The following FBXO4 variants were observed in gnomAD, a reference collection of about 807,000 sequenced individuals.
FBXO4 encodes F-box only protein 4.
A neutral mutation model predicts 43.7 loss-of-function variants in FBXO4; 36 were observed. The observed-to-expected ratio is 0.82, with a 90% CI of 0.63 to 1.09. The LOEUF is 1.09. FBXO4 is among the 50% of genes least tolerant of loss of function. The pLI, the probability that FBXO4 is intolerant of heterozygous loss-of-function variation, is 0.00. For missense variants in FBXO4, 435 were observed against 474.1 expected, an observed-to-expected ratio of 0.92 and a Z score of 0.77; for synonymous variants, 180 against 165.6, an observed-to-expected ratio of 1.09 and a Z score of -0.67.
the FBXO4 span, among the ~76,000 whole-genome samples, chr5:42,000,617 G>T: frequency 6.6e-6 from 1 of 151,852 alleles, no homozygotes; most frequent in Admixed American, 6.6e-5. Context: ...TTTTCCTTTT[G>T]TTGCTTGTGT....
At chr5:41,970,259 TG>T in the FBXO4 span, among the ~76,000 whole-genome samples, 1 of 152,202 alleles carries the variant, frequency 6.6e-6, no homozygotes, top group Non-Finnish European at 1.5e-5. Flanking sequence ...AAAATGGAAA[TG>T]CTGGGTCATA....
rs1751625585 is a variant in FBXO4 at position 41,929,811 on chromosome 5, T to C, written c.540T>C (p.Ala180=). The C allele has an allele frequency of 6.2e-7, 1 of 1,614,076 alleles. No homozygotes were observed. Among genetic ancestry groups the C allele is most frequent in the Non-Finnish European group, 8.5e-7 (1 of 1,180,030 alleles). ...SLIIQNEPRF[A]MFGPGLEELN... is the part of the protein sequence containing the mutation. ...TCATTCAGAATGAACCACGATTTGC[T>C]ATGTTTGGACCAGGTTTGGAAGAAT... Residue 180 remains alanine, a synonymous_variant, in exon 3 of 7, where the codon GCT becomes GCC. Transcript: ENST00000281623.
chr5:42,030,823 A>G, the FBXO4 span, among the ~76,000 whole-genome samples: 6 of 152,248 alleles, frequency 3.9e-5, no homozygotes, highest in African/African-American at 1.4e-4. Flanking sequence ...TTCTCAAAAG[A>G]AGACATTTAT....
the FBXO4 span, among the ~76,000 whole-genome samples, chr5:41,999,492 T>TAC: frequency 5.1e-4 from 27 of 52,664 alleles, no homozygotes; most frequent in African/African-American, 2.2e-3. Context: ...TATATATATA[T>TAC]ACATATATAT....
chr5:41,982,692 G>A, the FBXO4 span, among the ~76,000 whole-genome samples: 14 of 151,812 alleles, frequency 9.2e-5, no homozygotes, highest in East Asian at 1.9e-4. Context: ...TGATATAGTC[G>A]AATTTATTGA....
chr5:41,961,554 G>T, the FBXO4 span, among the ~76,000 whole-genome samples: 1 of 152,192 alleles, frequency 6.6e-6, no homozygotes, highest in Non-Finnish European at 1.5e-5. Flanking sequence ...TGCTTGTGCA[G>T]CAGCCATAGA....
At chr5:42,034,217 T>C in the FBXO4 span, among the ~76,000 whole-genome samples, 1 of 152,348 alleles carries the variant, frequency 6.6e-6, no homozygotes, top group Middle Eastern at 3.4e-3. Flanking sequence ...GTTTGTTTGT[T>C]TTTACTTGTA....
chr5:41,998,562 C>T, the FBXO4 span, among the ~76,000 whole-genome samples: 1 of 152,166 alleles, frequency 6.6e-6, no homozygotes. Context: ...CCTTTTGTAA[C>T]TCCATGAGCT....
the FBXO4 span, among the ~76,000 whole-genome samples, chr5:41,959,372 T>C: frequency 2.0e-5 from 3 of 152,260 alleles, no homozygotes; most frequent in East Asian, 5.8e-4. Flanking sequence ...TTTTTTTCTT[T>C]GTTTTGCGAA....
intron 1 of FBXO4, among the ~76,000 whole-genome samples, chr5:41,926,212 A>G (rs1751493721): frequency 6.6e-6 from 1 of 152,212 alleles, no homozygotes. Flanking sequence ...CAGGTTTAGA[A>G]TGCCTCCAAG....
At chr5:41,973,933 T>C in the FBXO4 span, among the ~76,000 whole-genome samples, 1 of 152,216 alleles carries the variant, frequency 6.6e-6, no homozygotes, top group African/African-American at 2.4e-5. Flanking sequence ...GGCAATGAAT[T>C]CTCCTAGTTT....
the FBXO4 span, among the ~76,000 whole-genome samples, chr5:41,984,010 T>A: frequency 6.6e-6 from 1 of 152,074 alleles, no homozygotes; most frequent in South Asian, 2.1e-4. Flanking sequence ...ATTTCATATG[T>A]TCTTCTCATA....
Position 41,927,255 on chromosome 5 carries a change from A to G in FBXO4, c.425+7A>G. 6.5e-7 allele frequency: 1 copy of G among 1,549,078 alleles called. No individual in the cohort carries two copies. Among genetic ancestry groups the G allele is most frequent in the Non-Finnish European group, 8.7e-7 (1 of 1,148,322 alleles). On this transcript the variant is annotated splice_region_variant and intron_variant, in intron 2 of 6. Coordinates refer to ENST00000281623, the MANE Select transcript of FBXO4 (RefSeq NM_012176.3). ...TTTTTGACTACATGGCAGTGTAAGTATCTAGTTTTATGAATTAAAAAGAAG... is the reference window on the plus strand; with the variant it reads ...TTTTTGACTACATGGCAGTGTAAGTGTCTAGTTTTATGAATTAAAAAGAAG...
At chr5:41,962,885 C>A in the FBXO4 span, among the ~76,000 whole-genome samples, 7 of 152,166 alleles carry the variant, frequency 4.6e-5, no homozygotes, top group Non-Finnish European at 1.0e-4. Flanking sequence ...TCTCATTTCC[C>A]ATTTATCTGA....
At chr5:42,030,610 A>C in the FBXO4 span, among the ~76,000 whole-genome samples, 24 of 151,874 alleles carry the variant, frequency 1.6e-4, no homozygotes, top group South Asian at 4.1e-4. Context: ...GACAAATGGG[A>C]ACTAATTAAA....
chr5:41,982,041 T>C, the FBXO4 span, among the ~76,000 whole-genome samples: 5 of 152,130 alleles, frequency 3.3e-5, no homozygotes, highest in African/African-American at 1.2e-4. Context: ...AGAATGATGG[T>C]TTCCAGCTTC....
chr5:41,984,157 C>G, the FBXO4 span, among the ~76,000 whole-genome samples: 1 of 151,924 alleles, frequency 6.6e-6, no homozygotes, highest in Non-Finnish European at 1.5e-5. Flanking sequence ...AAATTTTATC[C>G]ATGGCATTTT....
chr5:42,003,032 G>C, the FBXO4 span, among the ~76,000 whole-genome samples: 3 of 152,148 alleles, frequency 2.0e-5, no homozygotes, highest in Non-Finnish European at 2.9e-5. Flanking sequence ...AATTGGATAT[G>C]TTTTTGTAAC....
chr5:41,953,632 A>G, the FBXO4 span, among the ~76,000 whole-genome samples: 6 of 150,930 alleles, frequency 4.0e-5, no homozygotes, highest in African/African-American at 1.5e-4. Flanking sequence ...AAGTGTTCCT[A>G]TTTCTCCACA....
Sources: gnomAD v4.1 joint callset for allele counts (sites outside exome capture counted in the v4.1 genomes callset) on GRCh38, gnomAD v4.1.1 for gene constraint, MANE v1.5 for transcripts, NCBI Gene and HGNC (gene_info 2026-07-23, HGNC 2026-07-21) for gene names.